The following PBRM1 variants were observed in gnomAD, a reference collection of about 807,000 sequenced individuals.
PBRM1 encodes the protein polybromo 1, also known as protein polybromo-1.
Under a neutral mutation model 194.5 loss-of-function variants are expected in PBRM1, and 27 were observed. That is an observed-to-expected ratio of 0.14 (90% CI 0.10 to 0.19). The LOEUF is 0.19. PBRM1 is among the 10% of genes least tolerant of loss of function. The probability of loss-of-function intolerance (pLI) is 1.00; values close to 1 mark genes in which losing one functional copy is unlikely to be tolerated. For synonymous variants in PBRM1, 655 were observed against 693.2 expected (o/e 0.94, Z 0.87); for missense variants, 1,466 against 2,077.2 (o/e 0.71, Z 5.72).
chr3:52,545,860 C>CT (rs1368168087), downstream of PBRM1: 2 of 231,620 alleles, frequency 8.6e-6, no homozygotes, highest in East Asian at 1.2e-4. Context: ...ATTTTTTTTT[C>CT]TTTTTTGAAG....
intron 4 of PBRM1, among the ~76,000 whole-genome samples, chr3:52,660,266 G>T (rs897944650): frequency 1.3e-5 from 2 of 152,154 alleles, no homozygotes; most frequent in African/African-American, 4.8e-5. Flanking sequence ...TGCAAGCAGT[G>T]TTCTACCGAA....
At chr3:52,645,333 T>TC (rs1462204325) in intron 7 of PBRM1, among the ~76,000 whole-genome samples, 6 of 151,112 alleles carry the variant, frequency 4.0e-5, no homozygotes, top group Admixed American at 3.3e-4. Context: ...TTTCTTTCTT[T>TC]TTTTTTTTTG....
intron 10 of PBRM1, 46 bp downstream of exon 11, chr3:52,641,908 A>C: frequency 2.8e-6 from 3 of 1,061,102 alleles, no homozygotes; most frequent in Non-Finnish European, 4.4e-6. Context: ...TTTAGCTAGA[A>C]GGATCCACTA....
At chr3:52,676,144 AAAAAAAAAT>A (rs2097098083) in intron 2 of PBRM1, among the ~76,000 whole-genome samples, 1 of 117,762 alleles carries the variant, frequency 8.5e-6, no homozygotes, top group African/African-American at 3.0e-5. Flanking sequence ...AAAAAAAAAA[AAAAAAAAAT>A]AATGAATGAA....
intron 20 of PBRM1, among the ~76,000 whole-genome samples, chr3:52,581,229 G>A (rs2091079621): frequency 6.6e-6 from 1 of 152,192 alleles, no homozygotes; most frequent in South Asian, 2.1e-4. Context: ...ATGAGGGAAG[G>A]CCGGGAGTGG....
intron 1 of PBRM1, chr3:52,684,968 T>C (rs554591260): frequency 3.3e-5 from 5 of 152,314 alleles, no homozygotes; most frequent in South Asian, 2.1e-4. Flanking sequence ...TGAGTCCAAT[T>C]TGCACTTTTT....
chr3:52,615,089 T>G (rs1345645832), intron 15 of PBRM1, among the ~76,000 whole-genome samples: 1 of 152,190 alleles, frequency 6.6e-6, no homozygotes, highest in African/African-American at 2.4e-5. Flanking sequence ...AAATCTATTC[T>G]TACTATTTAA....
chr3:52,683,527 C>G (rs1451833597), upstream of PBRM1, among the ~76,000 whole-genome samples: 1 of 152,012 alleles, frequency 6.6e-6, no homozygotes, highest in Non-Finnish European at 1.5e-5. Context: ...TAAAAGTGCA[C>G]TTAGGGCCAG....
At chr3:52,638,151 C>G (rs13068293) in intron 10 of PBRM1, among the ~76,000 whole-genome samples, 2 of 151,736 alleles carry the variant, frequency 1.3e-5, no homozygotes, top group Non-Finnish European at 2.9e-5. Flanking sequence ...CAACTGTGTC[C>G]TTATATACTA....
At chr3:52,665,718 A>G (rs1402605165) in intron 3 of PBRM1, among the ~76,000 whole-genome samples, 4 of 152,190 alleles carry the variant, frequency 2.6e-5, no homozygotes, top group African/African-American at 9.7e-5. Context: ...ATGAGAAGGA[A>G]GAGTTTCATC....
intron 27 of PBRM1, among the ~76,000 whole-genome samples, chr3:52,553,614 T>G (rs555742976): frequency 6.6e-6 from 1 of 150,430 alleles, no homozygotes; most frequent in African/African-American, 2.4e-5. Flanking sequence ...CTCAGCCTCC[T>G]GAGTAGCTGG....
At chr3:52,631,324 T>A (rs1169846660) in intron 11 of PBRM1, among the ~76,000 whole-genome samples, 1 of 150,430 alleles carries the variant, frequency 6.6e-6, no homozygotes, top group South Asian at 2.1e-4. Flanking sequence ...AAAAAAAAAA[T>A]TATTACTGAT....
At chr3:52,558,260 G>T in exon 26 of PBRM1, 1 of 1,528,492 alleles carries the variant, frequency 6.5e-7, no homozygotes, top group Non-Finnish European at 8.8e-7. Flanking sequence ...TGCAACAGGT[G>T]TCAACTGCTG....
chr3:52,632,617 C>T (rs1193029723), intron 11 of PBRM1, among the ~76,000 whole-genome samples: 1 of 150,446 alleles, frequency 6.6e-6, no homozygotes, highest in Non-Finnish European at 1.5e-5. Context: ...AAAATGGGCA[C>T]TGAAGAAAAG....
intron 13 of PBRM1, among the ~76,000 whole-genome samples, chr3:52,621,849 C>T (rs1035326764): frequency 1.3e-5 from 2 of 152,088 alleles, no homozygotes; most frequent in African/African-American, 4.8e-5. Flanking sequence ...CCCAGGAGTT[C>T]GAGACCAGCC....
chr3:52,586,305 T>C (rs184650941), intron 20 of PBRM1, 120 bp downstream of exon 22: 7 of 810,722 alleles, frequency 8.6e-6, no homozygotes, highest in African/African-American at 6.8e-5. Context: ...TCCTTCTTCC[T>C]GTTTGGCTAA....
chr3:52,567,208 C>T (rs1489315853), intron 22 of PBRM1, among the ~76,000 whole-genome samples: 3 of 151,890 alleles, frequency 2.0e-5, no homozygotes, highest in Non-Finnish European at 4.4e-5. Context: ...TCTTGGAGGT[C>T]ACGGCTTGTA....
chr3:52,653,265 C>T (rs1291212141), intron 5 of PBRM1, among the ~76,000 whole-genome samples: 3 of 152,084 alleles, frequency 2.0e-5, no homozygotes, highest in Non-Finnish European at 4.4e-5. Flanking sequence ...TTTTTCAAAA[C>T]AAAATACCTT....
At chr3:52,674,298 A>G (rs751349449) in intron 2 of PBRM1, among the ~76,000 whole-genome samples, 5 of 151,708 alleles carry the variant, frequency 3.3e-5, no homozygotes, top group Non-Finnish European at 4.4e-5. Context: ...CCTGACCAAC[A>G]TAGAGAAACC....
Sources: allele counts gnomAD v4.1 joint callset (sites outside exome capture counted in the v4.1 genomes callset), GRCh38; gene constraint gnomAD v4.1.1; transcripts MANE v1.5; gene names NCBI Gene and HGNC (gene_info 2026-07-23, HGNC 2026-07-21).